DPP6: variants seen among roughly 807,000 people sequenced by gnomAD.
DPP6 encodes dipeptidyl peptidase like 6.
Under a neutral mutation model 122.6 loss-of-function variants are expected in DPP6, and 69 were observed. The ratio of observed to expected loss-of-function variants is 0.56; its 90% CI spans 0.46 to 0.69. DPP6 has a LOEUF of 0.69. Ranked by LOEUF, DPP6 falls within the 30% of genes least tolerant of loss-of-function variation. The probability of loss-of-function intolerance (pLI) is 0.00; values close to 1 mark genes in which losing one functional copy is unlikely to be tolerated. For synonymous variants in DPP6, 418 were observed against 433.1 expected, an observed-to-expected ratio of 0.97 and a Z score of 0.43; for missense variants, 928 against 1,116.9, an observed-to-expected ratio of 0.83 and a Z score of 2.41.
chr7:154,617,852 C>G (rs146965206), intron 5 of DPP6, among the ~76,000 whole-genome samples: 2 of 152,224 alleles, frequency 1.3e-5, no homozygotes, highest in East Asian at 3.9e-4. Flanking sequence ...CTGGAAAACC[C>G]AGGAGGACAA....
the DPP6 span, among the ~76,000 whole-genome samples, chr7:153,802,641 G>A: frequency 6.6e-6 from 1 of 152,084 alleles, no homozygotes; most frequent in Non-Finnish European, 1.5e-5. Flanking sequence ...TCTCTGTGAT[G>A]CTGCTGCCTC....
chr7:154,868,764 C>T (rs1181800168), intron 18 of DPP6, among the ~76,000 whole-genome samples: 1 of 152,246 alleles, frequency 6.6e-6, no homozygotes, highest in Non-Finnish European at 1.5e-5. Context: ...AGTCACCCGG[C>T]TGGCCCCGTG....
At chr7:154,057,271 T>C (rs1800911674) in intron 1 of DPP6, among the ~76,000 whole-genome samples, 1 of 150,884 alleles carries the variant, frequency 6.6e-6, no homozygotes, top group Non-Finnish European at 1.5e-5. Context: ...AGGCCTCCCA[T>C]TTCGTGGTGG....
chr7:154,220,124 T>G (rs922824046), intron 1 of DPP6, among the ~76,000 whole-genome samples: 2 of 152,234 alleles, frequency 1.3e-5, no homozygotes, highest in African/African-American at 2.4e-5. Context: ...AATGCCTATG[T>G]TGGCACTTAA....
At position 154,794,203 on chromosome 7, in the gene DPP6, G is replaced by C; in HGVS notation, c.1260+1G>C. ...CGCCACCACGGGGGTCTGCACGAAG[G>C]TACGCGGGGCTGTGGGGGTGGAGGG... On this transcript the variant is annotated splice_donor_variant, in intron 11 of 25. Transcript: ENST00000377770. LOFTEE classifies it high-confidence loss of function. 1 of 1,606,712 alleles carries C rather than the reference G, an allele frequency of 6.2e-7. No homozygotes were observed. The highest frequency in any genetic ancestry group is 8.5e-7 in the Non-Finnish European group (1 of 1,175,888).
At chr7:154,319,304 A>G (rs1807713357) in intron 1 of DPP6, among the ~76,000 whole-genome samples, 1 of 152,242 alleles carries the variant, frequency 6.6e-6, no homozygotes, top group African/African-American at 2.4e-5. Context: ...TTTAAAGACA[A>G]GGTTAAAACT....
the DPP6 span, among the ~76,000 whole-genome samples, chr7:153,764,949 C>T: frequency 6.8e-4 from 103 of 152,256 alleles, no homozygotes; most frequent in African/African-American, 2.4e-3. Context: ...CCAAAGCACC[C>T]GTTTCAGGCT....
intron 8 of DPP6, among the ~76,000 whole-genome samples, chr7:154,753,702 T>A (rs1311925306): frequency 6.6e-6 from 1 of 152,080 alleles, no homozygotes; most frequent in Non-Finnish European, 1.5e-5. Flanking sequence ...ATTTTGAGGA[T>A]GGAAAAGGGC....
chr7:154,575,767 G>T (rs1681054194), intron 5 of DPP6, among the ~76,000 whole-genome samples: 1 of 147,576 alleles, frequency 6.8e-6, no homozygotes. Context: ...TGTATGTGTG[G>T]TGTGTGTATG....
At chr7:154,578,905 A>G (rs1831860876) in intron 5 of DPP6, among the ~76,000 whole-genome samples, 3 of 152,202 alleles carry the variant, frequency 2.0e-5, no homozygotes, top group African/African-American at 7.2e-5. Context: ...CAGAAATCAT[A>G]AACTGGAAAA....
intron 3 of DPP6, among the ~76,000 whole-genome samples, chr7:154,538,760 G>T (rs1246661186): frequency 6.6e-6 from 1 of 152,180 alleles, no homozygotes; most frequent in Non-Finnish European, 1.5e-5. Context: ...TGAAATGATT[G>T]CAGAGTCTTC....
chr7:154,468,106 T>C (rs1354372177), intron 2 of DPP6, among the ~76,000 whole-genome samples: 1 of 152,246 alleles, frequency 6.6e-6, no homozygotes, highest in African/African-American at 2.4e-5. Flanking sequence ...TAGCTTGTAA[T>C]ATTATTCATC....
chr7:154,113,207 G>T (rs1042860318), intron 1 of DPP6, among the ~76,000 whole-genome samples: 1 of 152,124 alleles, frequency 6.6e-6, no homozygotes, highest in Non-Finnish European at 1.5e-5. Context: ...GTTCTTTGAG[G>T]TCCTGATTTT....
intron 3 of DPP6, among the ~76,000 whole-genome samples, chr7:154,512,061 T>G (rs983895287): frequency 5.9e-5 from 9 of 152,212 alleles, no homozygotes; most frequent in Non-Finnish European, 1.3e-4. Flanking sequence ...TAAAAGTCAT[T>G]GAGGTCATTG....
chr7:154,254,671 G>A (rs1458345803), intron 1 of DPP6, among the ~76,000 whole-genome samples: 2 of 152,112 alleles, frequency 1.3e-5, no homozygotes, highest in African/African-American at 4.8e-5. Flanking sequence ...TGATGTGTAT[G>A]GGTAGTAAGT....
intron 3 of DPP6, among the ~76,000 whole-genome samples, chr7:154,506,237 C>A (rs973384913): frequency 6.6e-6 from 1 of 150,614 alleles, no homozygotes; most frequent in African/African-American, 2.4e-5. Flanking sequence ...TTTTTTTTCT[C>A]AGTTTTTGTT....
intron 1 of DPP6, among the ~76,000 whole-genome samples, chr7:154,159,041 A>T (rs1412086373): frequency 2.6e-5 from 4 of 151,908 alleles, no homozygotes; most frequent in Non-Finnish European, 5.9e-5. Flanking sequence ...TCAACCTCCC[A>T]TCTCGTGTGT....
intron 2 of DPP6, among the ~76,000 whole-genome samples, chr7:154,464,134 A>G (rs1177939216): frequency 6.6e-6 from 1 of 152,178 alleles, no homozygotes; most frequent in Non-Finnish European, 1.5e-5. Context: ...TCAGGTTCCC[A>G]CTGCTGGGAT....
chr7:154,537,645 A>G (rs1056763962), intron 3 of DPP6, among the ~76,000 whole-genome samples: 1 of 151,902 alleles, frequency 6.6e-6, no homozygotes, highest in Non-Finnish European at 1.5e-5. Flanking sequence ...AGCCGAGATC[A>G]TGCCATTACA....
Sources: gnomAD v4.1 joint callset for allele counts (sites outside exome capture counted in the v4.1 genomes callset) on GRCh38, gnomAD v4.1.1 for gene constraint, MANE v1.5 for transcripts, NCBI Gene and HGNC (gene_info 2026-07-23, HGNC 2026-07-21) for gene names.